CYP19A1: variants seen among roughly 807,000 people sequenced by gnomAD.
CYP19A1 encodes the protein aromatase.
A neutral mutation model predicts 44.4 loss-of-function variants in CYP19A1; 32 were observed. That is an observed-to-expected ratio of 0.72 (90% CI 0.54 to 0.97). The LOEUF (loss-of-function observed/expected upper bound fraction) is 0.97. CYP19A1 is among the 50% of genes least tolerant of loss of function. CYP19A1 has a pLI of 0.00. For missense variants in CYP19A1, 598 were observed against 637.8 expected, an observed-to-expected ratio of 0.94 and a Z score of 0.67; for synonymous variants, 212 against 215.6, an observed-to-expected ratio of 0.98 and a Z score of 0.14.
At chr15:51,287,359 G>A (rs1349877128) in intron 1 of CYP19A1, among the ~76,000 whole-genome samples, 6 of 152,282 alleles carry the variant, frequency 3.9e-5, no homozygotes, top group South Asian at 2.1e-4. Flanking sequence ...AACGCAATGC[G>A]AACCTTGATA....
intron 1 of CYP19A1, among the ~76,000 whole-genome samples, chr15:51,258,985 G>C (rs2034617619): frequency 6.6e-6 from 1 of 152,150 alleles, no homozygotes; most frequent in Non-Finnish European, 1.5e-5. Context: ...GTTCAGTGTT[G>C]CCCCCATCCC....
Position 51,242,880 on chromosome 15 carries a change from A to G in CYP19A1, c.33T>C (p.Tyr11=). MVLEMLNPIH[Y]NITSIVPEAM... ...CTTCAGGCACGATGCTGGTGATGTT[A>G]TAATGTATCGGGTTCAGCATTTCCA... is the stretch of plus-strand genomic sequence containing the variant. Residue 11 remains tyrosine (Y), a synonymous_variant, in exon 2 of 10, where the codon TAT becomes TAC. Coordinates refer to ENST00000396402, the MANE Select transcript of CYP19A1 (RefSeq NM_000103.4). The G allele has an allele frequency of 1.2e-6, 2 of 1,610,408 alleles. No individual in the cohort carries two copies. The highest frequency in any genetic ancestry group is 1.1e-5 in the South Asian group (1 of 90,984).
chr15:51,336,657 G>A (rs901993745), intron 1 of CYP19A1, among the ~76,000 whole-genome samples: 44 of 152,276 alleles, frequency 2.9e-4, no homozygotes, highest in African/African-American at 1.0e-3. Flanking sequence ...TAAAGTTGGG[G>A]TATATTCTTG....
Position 51,236,735 on chromosome 15 carries a change from C to T in CYP19A1, c.296+124G>A, listed in dbSNP as rs907497216. 6.5e-6 allele frequency: 8 copies of T among 1,238,822 alleles called. No individual in the cohort carries two copies. The African/African-American group carries it at 1.2e-4, about 18-fold the overall frequency. The allele number at this position is 1,238,822 out of a possible 1,614,324, so 76.7% of individuals were successfully genotyped here. ...TTAGATTTCTGGGGATTGCTCACTT[C>T]ATTTCAGTGGTAAAAATATAGCGTT... On this transcript the variant is annotated intron_variant, in intron 3 of 9. Coordinates refer to ENST00000396402, the MANE Select transcript of CYP19A1 (RefSeq NM_000103.4).
At chr15:51,225,523 G>T (rs2032498452) in intron 4 of CYP19A1, among the ~76,000 whole-genome samples, 1 of 152,184 alleles carries the variant, frequency 6.6e-6, no homozygotes, top group South Asian at 2.1e-4. Flanking sequence ...CTTGCCTAAG[G>T]TCAGATAGGT....
At chr15:51,243,036 G>C in intron 1 of CYP19A1, 86 bp from the exon 2 acceptor site, 1 of 773,180 alleles carries the variant, frequency 1.3e-6, no homozygotes, top group Non-Finnish European at 2.4e-6. Flanking sequence ...GTGCTGTACA[G>C]TACAGATTCA....
rs868357392 is a variant in CYP19A1, at chr15:51,270,184, G to T, written c.-38-27234C>A. Among the ~76,000 whole-genome samples, 17 of 149,224 alleles carry T rather than the reference G, an allele frequency of 1.1e-4. No individual in the cohort carries two copies. The South Asian group carries it at 2.1e-3, about 19-fold the overall frequency. On this transcript the variant is annotated intron_variant, in intron 1 of 9. Transcript: ENST00000396402. ...TAGATTTATTCCTAAGTATTCTTTG[G>T]TTTTTTTTTTGGTACTACTGTGTTG...
intron 1 of CYP19A1, among the ~76,000 whole-genome samples, chr15:51,249,695 A>G (rs957090629): frequency 3.3e-5 from 5 of 152,214 alleles, no homozygotes; most frequent in Non-Finnish European, 5.9e-5. Context: ...AGAGCTGCCC[A>G]TGAACTTCTA....
intron 1 of CYP19A1, among the ~76,000 whole-genome samples, chr15:51,335,992 C>T (rs1232739603): frequency 1.3e-5 from 2 of 152,222 alleles, no homozygotes; most frequent in East Asian, 3.8e-4. Flanking sequence ...GTTGTTCCTC[C>T]TCTCTGCAAT....
intron 1 of CYP19A1, among the ~76,000 whole-genome samples, chr15:51,303,159 A>G (rs1488156866): frequency 2.0e-5 from 3 of 152,188 alleles, no homozygotes; most frequent in East Asian, 1.9e-4. Context: ...GAGCCTTTGC[A>G]CTAAATAGTG....
intron 1 of CYP19A1, among the ~76,000 whole-genome samples, chr15:51,295,347 TCA>T (rs901707032): frequency 3.9e-5 from 6 of 152,128 alleles, no homozygotes; most frequent in African/African-American, 4.8e-5. Flanking sequence ...CCCTCTTCTC[TCA>T]GTTTCCTTAG....
intron 1 of CYP19A1, among the ~76,000 whole-genome samples, chr15:51,299,769 C>T (rs139386989): frequency 2.0e-5 from 3 of 152,330 alleles, no homozygotes; most frequent in Non-Finnish European, 4.4e-5. Flanking sequence ...TGTTCACAGC[C>T]CAGCAGGGGA....
chr15:51,295,072 G>C (rs1257366416), intron 1 of CYP19A1, among the ~76,000 whole-genome samples: 1 of 148,512 alleles, frequency 6.7e-6, no homozygotes, highest in Non-Finnish European at 1.5e-5. Context: ...TCATTACAAA[G>C]ATCTCTAGCT....
At chr15:51,236,645 A>G (rs2033409187) in intron 3 of CYP19A1, among the ~76,000 whole-genome samples, 1 of 152,220 alleles carries the variant, frequency 6.6e-6, no homozygotes, top group Admixed American at 6.5e-5. Flanking sequence ...CCAACTTTCC[A>G]GAGTTAGTTA....
chr15:51,243,755 C>T (rs936682137), intron 1 of CYP19A1, among the ~76,000 whole-genome samples: 15 of 152,208 alleles, frequency 9.9e-5, no homozygotes, highest in East Asian at 1.9e-4. Context: ...GAACCTCATT[C>T]GAAGAGCAGC....
At chr15:51,335,533 C>T (rs1208990993) in intron 1 of CYP19A1, among the ~76,000 whole-genome samples, 8 of 152,168 alleles carry the variant, frequency 5.3e-5, no homozygotes, top group East Asian at 1.9e-4. Flanking sequence ...AATTTAGTCA[C>T]GGTTCTGTTT....
At chr15:51,294,554 C>T (rs1385648181) in intron 1 of CYP19A1, among the ~76,000 whole-genome samples, 7 of 149,828 alleles carry the variant, frequency 4.7e-5, no homozygotes, top group South Asian at 2.1e-4. Flanking sequence ...CGTCTCCGCC[C>T]GGCAGCCGCC....
intron 1 of CYP19A1, among the ~76,000 whole-genome samples, chr15:51,253,578 T>G (rs567651312): frequency 2.0e-4 from 30 of 152,296 alleles, no homozygotes; most frequent in African/African-American, 5.5e-4. Flanking sequence ...TCCTTTTATG[T>G]GTCATTTCCC....
chr15:51,292,703 C>G (rs987977934), intron 1 of CYP19A1, among the ~76,000 whole-genome samples: 2 of 152,188 alleles, frequency 1.3e-5, no homozygotes, highest in African/African-American at 4.8e-5. Flanking sequence ...TTGTATCCAT[C>G]CAGATGGGCC....
Sources: gnomAD v4.1 joint callset for allele counts (sites outside exome capture counted in the v4.1 genomes callset) on GRCh38, gnomAD v4.1.1 for gene constraint, MANE v1.5 for transcripts, NCBI Gene and HGNC (gene_info 2026-07-23, HGNC 2026-07-21) for gene names.